OR2M4: variants seen among roughly 807,000 people sequenced by gnomAD.
OR2M4 encodes olfactory receptor 2M4.
OR2M4 carries 8 observed loss-of-function variants against 13.7 expected under a neutral mutation model. The ratio of observed to expected loss-of-function variants is 0.58; its 90% confidence interval spans 0.34 to 1.05. The LOEUF (loss-of-function observed/expected upper bound fraction) is 1.05, where lower values mean the gene tolerates loss of function less well. Ranked by LOEUF, OR2M4 falls within the 50% of genes least tolerant of loss-of-function variation. The pLI, the probability that OR2M4 is intolerant of heterozygous loss-of-function variation, is 0.02. For synonymous variants in OR2M4, 152 were observed against 141.3 expected, an observed-to-expected ratio of 1.08 and a Z score of -0.53; for missense variants, 374 against 381.6, an observed-to-expected ratio of 0.98 and a Z score of 0.17.
In OR2M4 at chr1:248,238,970, G is replaced by A. The variant is rs111428183; in HGVS notation, c.42G>A (p.Leu14=). ...ENQTFNSIFI[L]LGIFNHSPTH... ...AGACCTTCAACTCCATCTTCATCCT[G>A]CTGGGAATCTTCAATCACAGTCCCA... The change falls in exon 2 of 2, where the codon CTG becomes CTA. Residue 14 remains leucine, a synonymous_variant. Coordinates refer to ENST00000641868, the MANE Select transcript of OR2M4 (RefSeq NM_017504.2). The A allele has an allele frequency of 2.5e-6, 4 of 1,611,368 alleles. No homozygotes were observed. The East Asian group carries it at 8.9e-5, about 36-fold the overall frequency.
rs1471790104 is a variant in OR2M4, at chr1:248,243,839, T to G, written c.*3975T>G. On this transcript the variant is annotated 3_prime_UTR_variant, in exon 2 of 2. Transcript: ENST00000641868. ...ATCCAGATTCTATACGGAACTTAAG[T>G]CAACAAGCAAAACCCCATTAAATAA... The G allele has an allele frequency of 6.6e-6, 1 of 152,078 alleles. No homozygotes were observed. Among genetic ancestry groups the G allele is most frequent in the Non-Finnish European group, 1.5e-5 (1 of 68,014 alleles). 9.4% of individuals were successfully genotyped at this position (152,078 alleles called of 1,614,324 possible). A position where few individuals can be genotyped will look rare whatever the true frequency, so the allele number is the denominator to read the frequency against.
Position 248,244,485 on chromosome 1 carries a change from C to G in OR2M4, c.*4621C>G, listed in dbSNP as rs1251874338. 5 of 152,064 alleles carry G rather than the reference C, an allele frequency of 3.3e-5. No individual in the cohort carries two copies. The highest frequency in any genetic ancestry group is 5.9e-5 in the Non-Finnish European group (4 of 68,020). The allele number at this position is 152,064 out of a possible 1,614,324, so 9.4% of individuals were successfully genotyped here. ...TTCTCACTTATACATAGGAGCTAAACTTTGGGTACTCAAGGATGTAAAGAT... is the reference window on the plus strand; with the variant it reads ...TTCTCACTTATACATAGGAGCTAAAGTTTGGGTACTCAAGGATGTAAAGAT... On this transcript the variant is annotated 3_prime_UTR_variant, in exon 2 of 2. Transcript: ENST00000641868.
rs185257059 is a variant in OR2M4, at chr1:248,237,286, A to G, written c.-19-1624A>G. ...ACATAATTCATCACATAAACAACCA[A>G]TGACAACAACCACATGATTATCTCA... On this transcript the variant is annotated intron_variant, in intron 1 of 1. Coordinates refer to ENST00000641868, the MANE Select transcript of OR2M4 (RefSeq NM_017504.2). Among the ~76,000 whole-genome samples, 22 of 152,274 alleles carry G rather than the reference A, an allele frequency of 1.4e-4. 1 individual carries two copies. In the East Asian group the frequency reaches 2.3e-3, roughly 16 times the overall value.
Position 248,239,712 on chromosome 1 carries a change from C to G in OR2M4, c.784C>G (p.Pro262Ala). 6.2e-7 allele frequency: 1 copy of G among 1,614,048 alleles called. No homozygotes were observed. Among genetic ancestry groups the G allele is most frequent in the Non-Finnish European group, 8.5e-7 (1 of 1,180,026 alleles). ...YGAAMFMYMR[P>A]ASKHTPDQDK... The stretch of plus-strand genomic sequence containing the variant: ...TGCTGCTATGTTCATGTACATGAGA[C>G]CAGCTTCTAAACATACGCCAGACCA... Residue 262 changes from proline (P) to alanine (A), a missense_variant, in exon 2 of 2, where the codon CCA (proline) becomes GCA (alanine). Coordinates refer to ENST00000641868, the MANE Select transcript of OR2M4 (RefSeq NM_017504.2).
In OR2M4 at chr1:248,238,965, A is replaced by G; in HGVS notation, c.37A>G (p.Ile13Val). ...WENQTFNSIF[I>V]LLGIFNHSPT... Reference sequence around the variant, plus strand: ...AAACCAGACCTTCAACTCCATCTTCATCCTGCTGGGAATCTTCAATCACAG... The same window carrying G: ...AAACCAGACCTTCAACTCCATCTTCGTCCTGCTGGGAATCTTCAATCACAG... Residue 13 changes from isoleucine (I) to valine (V), a missense_variant, in exon 2 of 2, where the codon ATC becomes GTC. Coordinates refer to ENST00000641868, the MANE Select transcript of OR2M4 (RefSeq NM_017504.2). The G allele has an allele frequency of 6.2e-7, 1 of 1,610,264 alleles. No homozygotes were observed. Among genetic ancestry groups the G allele is most frequent in the South Asian group, 1.1e-5 (1 of 90,118 alleles).
intron 1 of OR2M4, among the ~76,000 whole-genome samples, chr1:248,232,524 T>C (rs968791358): frequency 1.3e-5 from 2 of 152,146 alleles, no homozygotes; most frequent in Non-Finnish European, 2.9e-5. Flanking sequence ...TTAGCACTTA[T>C]TTTCCTCATA....
rs554346126 is a variant in OR2M4 at position 248,239,003 on chromosome 1, C to T, written c.75C>T (p.Thr25=). 7.4e-5 allele frequency: 119 copies of T among 1,613,996 alleles called. 1 individual carries two copies. In the South Asian group the frequency reaches 1.3e-3, roughly 17 times the overall value. The change falls in exon 2 of 2, where the codon ACC becomes ACT. Residue 25 remains threonine (T), a synonymous_variant. Transcript: ENST00000641868. ...TCTTCAATCACAGTCCCACCCACAC[C>T]TTCCTTTTTTCTCTGGTCCTGGGCA... ...LGIFNHSPTH[T]FLFSLVLGIF...
At chr1:248,234,338 G>C (rs183226881) in intron 1 of OR2M4, among the ~76,000 whole-genome samples, 9 of 151,674 alleles carry the variant, frequency 5.9e-5, no homozygotes, top group Non-Finnish European at 1.3e-4. Context: ...CAGAACATGC[G>C]GGTTTGTTAC....
chr1:248,236,058 T>C (rs894271930), intron 1 of OR2M4, among the ~76,000 whole-genome samples: 3 of 151,866 alleles, frequency 2.0e-5, no homozygotes, highest in Non-Finnish European at 2.9e-5. Context: ...TGAGAGAGGG[T>C]ATCTACAGAA....
chr1:248,233,310 T>C (rs1471957388), intron 1 of OR2M4, among the ~76,000 whole-genome samples: 1 of 152,160 alleles, frequency 6.6e-6, no homozygotes, highest in Non-Finnish European at 1.5e-5. Context: ...TAACAGAATC[T>C]GCTCTGGCCT....
intron 1 of OR2M4, among the ~76,000 whole-genome samples, chr1:248,238,043 A>T (rs910024263): frequency 6.6e-6 from 1 of 152,228 alleles, no homozygotes; most frequent in African/African-American, 2.4e-5. Flanking sequence ...TGATAAATGC[A>T]TGAGGTGATG....
Position 248,239,206 on chromosome 1 carries a change from C to G in OR2M4, c.278C>G (p.Ser93Cys), listed in dbSNP as rs1193052148. 5.6e-6 allele frequency: 9 copies of G among 1,614,164 alleles called. No homozygotes were observed. Among genetic ancestry groups the G allele is most frequent in the East Asian group, 4.5e-5 (2 of 44,876 alleles). The change falls in exon 2 of 2, where the codon TCT (serine) becomes TGT (cysteine). Residue 93 changes from serine (S) to cysteine (C), a missense_variant. Coordinates refer to ENST00000641868, the MANE Select transcript of OR2M4 (RefSeq NM_017504.2). ...FSYLSGKKSI[S>C]LAGCGTQIFF... The stretch of plus-strand genomic sequence containing the variant: ...TACTTGTCTGGGAAGAAATCTATCT[C>G]TCTGGCAGGTTGTGGAACTCAGATA...
At position 248,240,578 on chromosome 1, in the gene OR2M4, C is replaced by A. The variant is rs1176948405; in HGVS notation, c.*714C>A. On this transcript the variant is annotated 3_prime_UTR_variant, in exon 2 of 2. Coordinates refer to ENST00000641868, the MANE Select transcript of OR2M4 (RefSeq NM_017504.2). Reference sequence around the variant, plus strand: ...TAACCATCAGAATCTGAAGGCAGAGCAAGATGATGGAATAGAAGGCTCCAC... The same window carrying A: ...TAACCATCAGAATCTGAAGGCAGAGAAAGATGATGGAATAGAAGGCTCCAC... The A allele has an allele frequency of 6.6e-6, 1 of 152,116 alleles. No homozygotes were observed. Among genetic ancestry groups the A allele is most frequent in the Non-Finnish European group, 1.5e-5 (1 of 68,032 alleles). The allele number at this position is 152,116 out of a possible 1,614,324, so 9.4% of individuals were successfully genotyped here.
intron 1 of OR2M4, among the ~76,000 whole-genome samples, chr1:248,236,812 A>G (rs1666561667): frequency 6.6e-6 from 1 of 152,172 alleles, no homozygotes; most frequent in Non-Finnish European, 1.5e-5. Flanking sequence ...TAGAAAATCT[A>G]GAAGAAATGG....
At position 248,239,999 on chromosome 1, in the gene OR2M4, A is replaced by C. The variant is rs1053954785; in HGVS notation, c.*135A>C. ...CACTTCTTTTCAAAATTATCTATTC[A>C]GTATATTATTACATATACATCGTTT... On this transcript the variant is annotated 3_prime_UTR_variant, in exon 2 of 2. Transcript: ENST00000641868. The C allele has an allele frequency of 2.3e-5, 14 of 610,704 alleles. 1 individual carries two copies. Among genetic ancestry groups the C allele is most frequent in the Admixed American group, 1.0e-4 (3 of 30,124 alleles). 37.8% of individuals were successfully genotyped at this position (610,704 alleles called of 1,614,324 possible). A position where few individuals can be genotyped will look rare whatever the true frequency, so the allele number is the denominator to read the frequency against.
In OR2M4 at chr1:248,240,081, A is replaced by G. The variant is rs1178088551; in HGVS notation, c.*217A>G. ...AGTGGTTTAATCCCTGTGAATGACA[A>G]TTATATTATTAGGTGTCACACATGG... On this transcript the variant is annotated 3_prime_UTR_variant, in exon 2 of 2. Coordinates refer to ENST00000641868, the MANE Select transcript of OR2M4 (RefSeq NM_017504.2). 4.9e-6 allele frequency: 2 copies of G among 405,194 alleles called. No individual in the cohort carries two copies. The highest frequency in any genetic ancestry group is 4.8e-5 in the South Asian group (1 of 21,046). The allele number at this position is 405,194 out of a possible 1,614,324, so 25.1% of individuals were successfully genotyped here. A position where few individuals can be genotyped will look rare whatever the true frequency, so the allele number is the denominator to read the frequency against.
rs1666618511 is a variant in OR2M4 at position 248,241,438 on chromosome 1, C to T, written c.*1574C>T. 6.6e-6 allele frequency: 1 copy of T among 152,090 alleles called. No homozygotes were observed. Among genetic ancestry groups the T allele is most frequent in the Non-Finnish European group, 1.5e-5 (1 of 68,026 alleles). The allele number at this position is 152,090 out of a possible 1,614,324, so 9.4% of individuals were successfully genotyped here. ...CGTAAGCACCAATGGATTGATTCAACTGAAATTTTTGTACTCACCACAGTA... is the reference window on the plus strand; with the variant it reads ...CGTAAGCACCAATGGATTGATTCAATTGAAATTTTTGTACTCACCACAGTA... On this transcript the variant is annotated 3_prime_UTR_variant, in exon 2 of 2. Transcript: ENST00000641868.
chr1:248,231,736 C>T (rs1029678900), intron 1 of OR2M4, among the ~76,000 whole-genome samples, 156 bp downstream of exon 1: 1 of 152,060 alleles, frequency 6.6e-6, no homozygotes, highest in African/African-American at 2.4e-5. Context: ...CCTTCCTCAA[C>T]CTGATTATTA....
chr1:248,231,880 T>C (rs1257212573), intron 1 of OR2M4, among the ~76,000 whole-genome samples: 2 of 152,302 alleles, frequency 1.3e-5, no homozygotes, highest in East Asian at 3.9e-4. Context: ...CATAGTATTC[T>C]TAATGGTTAT....
Sources: gnomAD v4.1 joint callset for allele counts (sites outside exome capture counted in the v4.1 genomes callset) on GRCh38, gnomAD v4.1.1 for gene constraint, MANE v1.5 for transcripts, NCBI Gene and HGNC (gene_info 2026-07-23, HGNC 2026-07-21) for gene names.